PFAS: variants seen among roughly 807,000 people sequenced by gnomAD.
The protein encoded by PFAS is FGAM synthase.
PFAS carries 97 observed loss-of-function variants against 140.6 expected under a neutral mutation model. The ratio of observed to expected loss-of-function variants is 0.69; its 90% CI spans 0.59 to 0.82. PFAS has a LOEUF of 0.82. Ranked by LOEUF, PFAS falls within the 40% of genes least tolerant of loss-of-function variation. The pLI, the probability that PFAS is intolerant of heterozygous loss-of-function variation, is 0.00. For missense variants in PFAS, 1,656 were observed against 1,780.2 expected, an observed-to-expected ratio of 0.93 and a Z score of 1.26; for synonymous variants, 679 against 718.8, an observed-to-expected ratio of 0.94 and a Z score of 0.88.
chr17:8,256,718 G>C (rs966618583), intron 8 of PFAS, 70 bp downstream of exon 8: 4 of 1,570,734 alleles, frequency 2.5e-6, no homozygotes, highest in African/African-American at 2.7e-5. Flanking sequence ...CAGGCCCCTG[G>C]AGTGGGCCTG....
chr17:8,263,726 T>C, intron 14 of PFAS, 49 bp from the exon 15 acceptor site: 3 of 1,607,766 alleles, frequency 1.9e-6, no homozygotes, highest in Non-Finnish European at 2.6e-6. Flanking sequence ...ACATGAGACG[T>C]GGGAGTGCCC....
Position 8,266,675 on chromosome 17 carries a change from T to C in PFAS, c.2822-78T>C, listed in dbSNP as rs1989826905. On this transcript the variant is annotated intron_variant, in intron 22 of 27. Coordinates refer to ENST00000314666, the MANE Select transcript of PFAS (RefSeq NM_012393.3). The surrounding 1 kb of genome is among the most constrained non-coding windows in gnomAD (Gnocchi z 5.0). ...ATCCCTCTGACCCTCACCCTGGCCC[T>C]TCCTGCATTTCCCTGATCCCGCCCC... 1.0e-5 allele frequency: 16 copies of C among 1,534,258 alleles called. No individual in the cohort carries two copies. In the South Asian group the frequency reaches 1.4e-4, roughly 14 times the overall value.
chr17:8,254,728 C>T (rs1318632790), intron 3 of PFAS, among the ~76,000 whole-genome samples: 1 of 152,128 alleles, frequency 6.6e-6, no homozygotes, highest in Non-Finnish European at 1.5e-5. Flanking sequence ...GGTGTGAACC[C>T]GGGAGGCAGA....
rs2151576057 is a variant in PFAS at position 8,253,882 on chromosome 17, A to G, written c.-56A>G. 6 of 1,560,562 alleles carry G rather than the reference A, an allele frequency of 3.8e-6. No homozygotes were observed. The South Asian group carries it at 5.9e-5, about 15-fold the overall frequency. ...AGGAACCTAATTCATCTCTCCAGCA[A>G]AGGACACATCTCTCCAGCAAAGGAC... On this transcript the variant is annotated 5_prime_UTR_variant, in exon 2 of 28. Transcript: ENST00000314666.
rs376493234 is a variant in PFAS at position 8,266,383 on chromosome 17, C to T, written c.2821+30C>T. 5.1e-5 allele frequency: 82 copies of T among 1,613,390 alleles called. No homozygotes were observed. Among genetic ancestry groups the T allele is most frequent in the Non-Finnish European group, 6.4e-5 (75 of 1,179,710 alleles). On this transcript the variant is annotated intron_variant, in intron 22 of 27. Transcript: ENST00000314666. The surrounding 1 kb of genome is among the most constrained non-coding windows in gnomAD (Gnocchi z 5.0). ...GGAACCTGGGGTCTAGTCTCAGGCC[C>T]GGGCTGCCTTCTCTACCCTGCAGAC... is the stretch of plus-strand genomic sequence containing the variant.
chr17:8,263,795 T>C lies in PFAS; in HGVS notation c.1650T>C (p.Asn550=), dbSNP rs767071812. ...TGCAGCTTGGGGACCCAACCCTGAA[T>C]GCCCTGGAAATCTGGGGGGCTGAGT... ...SRFQLGDPTL[N]ALEIWGAEYQ... The change falls in exon 15 of 28, where the codon AAT becomes AAC. Residue 550 remains asparagine, a synonymous_variant. Transcript: ENST00000314666. The C allele has an allele frequency of 3.1e-6, 5 of 1,614,028 alleles. No individual in the cohort carries two copies. In the East Asian group the frequency reaches 1.1e-4, roughly 36 times the overall value.
intron 11 of PFAS, 76 bp from the exon 12 acceptor site, chr17:8,262,844 T>C (rs1989646584): frequency 1.8e-6 from 2 of 1,116,262 alleles, no homozygotes; most frequent in Non-Finnish European, 2.7e-6. Context: ...GCTTCCTCTG[T>C]GTTCACGCTG....
chr17:8,268,288 G>A (rs1261191283), intron 26 of PFAS, among the ~76,000 whole-genome samples: 14 of 145,820 alleles, frequency 9.6e-5, no homozygotes, highest in Admixed American at 7.5e-4. Flanking sequence ...CAGGAGAATC[G>A]CTTGAACCCA....
At chr17:8,258,341 C>G in intron 11 of PFAS, 142 bp downstream of exon 11, 1 of 917,980 alleles carries the variant, frequency 1.1e-6, no homozygotes, top group South Asian at 1.7e-5. Context: ...TGATGGACAA[C>G]TCATTCTGAG....
rs199868834 is a variant in PFAS, at chr17:8,256,637, A to G, written c.935A>G (p.Asn312Ser). ...GTTGTCTTCACAGCAGAGACTCACA[A>G]CTTTCCCACAGGTGAGCTGGGTTCC... ...RHVVFTAETHNFPTGVCPFSG... is the reference protein window; with the variant it reads ...RHVVFTAETHSFPTGVCPFSG... The change falls in exon 8 of 28, where the codon AAC (asparagine) becomes AGC (serine). Residue 312 changes from asparagine (N) to serine (S), a missense_variant. By Grantham distance (46) the Asn-to-Ser change is conservative. Coordinates refer to ENST00000314666, the MANE Select transcript of PFAS (RefSeq NM_012393.3). 4.8e-5 allele frequency: 77 copies of G among 1,613,994 alleles called. No homozygotes were observed. The highest frequency in any genetic ancestry group is 2.4e-4 in the South Asian group (22 of 91,094).
intron 14 of PFAS, 26 bp downstream of exon 14, chr17:8,263,662 C>T: frequency 6.2e-7 from 1 of 1,610,328 alleles, no homozygotes. Context: ...TGAAGTGTGA[C>T]ATTTTCCCAC....
chr17:8,256,576 C>T lies in PFAS; in HGVS notation c.874C>T (p.Pro292Ser), dbSNP rs769287664. 1.2e-6 allele frequency: 2 copies of T among 1,614,078 alleles called. No individual in the cohort carries two copies. Among genetic ancestry groups the T allele is most frequent in the Non-Finnish European group, 1.7e-6 (2 of 1,180,028 alleles). ...CCTACGGCCTGAGGACCCCACACGG[C>T]CAAGCCGCTTCCAGCAACAGCAAGG... ...RFLRPEDPTR[P>S]SRFQQQQGLR... The change falls in exon 8 of 28, where the codon CCA becomes TCA. Residue 292 changes from proline (P) to serine (S), a missense_variant. By Grantham distance (74) the Pro-to-Ser change is moderately conservative. Around this residue, in one of 2 missense-constraint regions of PFAS, gnomAD observed 773 missense variants for 757.3 expected, o/e 1.02. Coordinates refer to ENST00000314666, the MANE Select transcript of PFAS (RefSeq NM_012393.3).
At position 8,263,854 on chromosome 17, in the gene PFAS, C is replaced by G. The variant is rs781082805; in HGVS notation, c.1709C>G (p.Pro570Arg). The G allele has an allele frequency of 6.2e-7, 1 of 1,614,106 alleles. No homozygotes were observed. Among genetic ancestry groups the G allele is most frequent in the Non-Finnish European group, 8.5e-7 (1 of 1,180,002 alleles). The change falls in exon 15 of 28, where the codon CCC becomes CGC. Residue 570 changes from proline to arginine, a missense_variant. Around this residue, in one of 2 missense-constraint regions of PFAS, gnomAD observed 773 missense variants for 757.3 expected, o/e 1.02. Transcript: ENST00000314666. ...TCAAATGCTCTTCTGCTGAGGTCCC[C>G]CAACCGGGACTTCCTGACTCATGTC... ...QESNALLLRS[P>R]NRDFLTHVSA...
At chr17:8,257,152 T>G (rs553241638) in intron 9 of PFAS, among the ~76,000 whole-genome samples, 189 bp downstream of exon 9, 1 of 152,314 alleles carries the variant, frequency 6.6e-6, no homozygotes, top group African/African-American at 2.4e-5. Context: ...GTGGCCAGAC[T>G]GCTTTTGCAG....
rs1989348524 is a variant in PFAS at position 8,256,019 on chromosome 17, T to A, written c.680+109T>A. The A allele has an allele frequency of 3.3e-6, 3 of 912,398 alleles. No homozygotes were observed. In the Admixed American group the frequency reaches 7.0e-5, roughly 21 times the overall value. The allele number at this position is 912,398 out of a possible 1,614,324, so 56.5% of individuals were successfully genotyped here. ...TGGCTTAGGGGCCTCCCTGAGTCTCTGAGGGCCTGGGCTCCCGTCATCCAT... is the reference window on the plus strand; with the variant it reads ...TGGCTTAGGGGCCTCCCTGAGTCTCAGAGGGCCTGGGCTCCCGTCATCCAT... On this transcript the variant is annotated intron_variant, in intron 6 of 27. Coordinates refer to ENST00000314666, the MANE Select transcript of PFAS (RefSeq NM_012393.3).
In PFAS at chr17:8,255,635, C is replaced by T; in HGVS notation, c.518C>T (p.Pro173Leu). 1 of 1,582,232 alleles carries T rather than the reference C, an allele frequency of 6.3e-7. No homozygotes were observed. Among genetic ancestry groups the T allele is most frequent in the Non-Finnish European group, 8.6e-7 (1 of 1,166,986 alleles). ...PESMPEPLNG[P>L]INILGEGRLA... is the part of the protein sequence containing the mutation. ...AGCATGCCGGAACCCCTCAATGGCC[C>T]TATCAATATACTGGGTGAGGGCCGG... Residue 173 changes from proline (P) to leucine (L), a missense_variant, in exon 5 of 28, where the codon CCT (proline) becomes CTT (leucine). By Grantham distance (98) the Pro-to-Leu change is moderately conservative. Transcript: ENST00000314666.
chr17:8,263,845 T>C lies in PFAS; in HGVS notation c.1700T>C (p.Leu567Pro). Residue 567 changes from leucine (L) to proline (P), a missense_variant, in exon 15 of 28, where the codon CTG becomes CCG. Leu to Pro is a moderately conservative substitution (Grantham distance 98). Coordinates refer to ENST00000314666, the MANE Select transcript of PFAS (RefSeq NM_012393.3). ...TACCAGGAATCAAATGCTCTTCTGC[T>C]GAGGTCCCCCAACCGGGACTTCCTG... The part of the protein sequence containing the change: ...AEYQESNALL[L>P]RSPNRDFLTH... 1 of 1,614,134 alleles carries C rather than the reference T, an allele frequency of 6.2e-7. No individual in the cohort carries two copies. The highest frequency in any genetic ancestry group is 8.5e-7 in the Non-Finnish European group (1 of 1,179,994).
Position 8,258,080 on chromosome 17 carries a change from G to C in PFAS, c.1217G>C (p.Arg406Pro). ...FGEPVLAGFA[R>P]SLGLQLPDGQ... ...GATGTTCACACTCCAGGCTTCGCCC[G>C]CTCCTTGGGCCTCCAGCTCCCAGAC... is the stretch of plus-strand genomic sequence containing the variant. Residue 406 changes from arginine to proline, a missense_variant, in exon 11 of 28, where the codon CGC (arginine) becomes CCC (proline). By Grantham distance (103) the Arg-to-Pro change is moderately radical. Transcript: ENST00000314666. 1 of 1,614,120 alleles carries C rather than the reference G, an allele frequency of 6.2e-7. No individual in the cohort carries two copies. Among genetic ancestry groups the C allele is most frequent in the Non-Finnish European group, 8.5e-7 (1 of 1,180,026 alleles).
rs755481601 is a variant in PFAS at position 8,264,424 on chromosome 17, A to G, written c.1918-46A>G. 6 of 1,612,192 alleles carry G rather than the reference A, an allele frequency of 3.7e-6. No homozygotes were observed. The African/African-American group carries it at 8.0e-5, about 22-fold the overall frequency. ...CGTGCACTTTGTCGCCTGTGTGCCC[A>G]GCCCGCCCCAGGTGTTCACACTGCC... On this transcript the variant is annotated intron_variant, in intron 16 of 27. Coordinates refer to ENST00000314666, the MANE Select transcript of PFAS (RefSeq NM_012393.3).
Sources: allele counts gnomAD v4.1 joint callset (sites outside exome capture counted in the v4.1 genomes callset), GRCh38; gene constraint gnomAD v4.1.1; regional missense constraint gnomAD v4.1.1; non-coding constraint Gnocchi (gnomAD v3.1); transcripts MANE v1.5; gene names NCBI Gene and HGNC (gene_info 2026-07-23, HGNC 2026-07-21).